The following PDE4B variants were observed in gnomAD, a reference collection of about 807,000 sequenced individuals.
PDE4B encodes phosphodiesterase 4B.
Under a neutral mutation model 82.2 loss-of-function variants are expected in PDE4B, and 20 were observed. The observed-to-expected ratio is 0.24, with a 90% CI of 0.17 to 0.35. The LOEUF (loss-of-function observed/expected upper bound fraction) is 0.35. PDE4B is among the 10% of genes least tolerant of loss of function. PDE4B has a pLI of 1.00. For missense variants in PDE4B, 655 were observed against 907.2 expected, an observed-to-expected ratio of 0.72 and a Z score of 3.57; for synonymous variants, 320 against 318.9, an observed-to-expected ratio of 1.00 and a Z score of -0.04.
intron 1 of PDE4B, among the ~76,000 whole-genome samples, chr1:65,899,843 G>A (rs1239891982): frequency 2.0e-5 from 3 of 151,734 alleles, no homozygotes; most frequent in African/African-American, 4.8e-5. Flanking sequence ...GGATGCAAAG[G>A]CATAAGAATG....
chr1:65,838,543 A>ATATATGTATATATATG (rs1048433673), intron 1 of PDE4B, among the ~76,000 whole-genome samples: 41 of 139,888 alleles, frequency 2.9e-4, no homozygotes, highest in Non-Finnish European at 4.2e-4. Context: ...ATGTATGTGT[A>ATATATGTATATATATG]TATATGTATA....
chr1:66,265,000 G>T (rs1297403747), intron 6 of PDE4B, among the ~76,000 whole-genome samples: 1 of 152,236 alleles, frequency 6.6e-6, no homozygotes, highest in Non-Finnish European at 1.5e-5. Flanking sequence ...CACTGGACTA[G>T]AGTCTCACTC....
chr1:65,798,744 A>G (rs1030405467), intron 1 of PDE4B, among the ~76,000 whole-genome samples: 1 of 152,238 alleles, frequency 6.6e-6, no homozygotes, highest in Non-Finnish European at 1.5e-5. Context: ...TGTAATATAT[A>G]TCTGTTAGGT....
chr1:66,358,238 C>A (rs1662423790), intron 9 of PDE4B, among the ~76,000 whole-genome samples: 1 of 152,220 alleles, frequency 6.6e-6, no homozygotes, highest in South Asian at 2.1e-4. Flanking sequence ...ACCTAAATAC[C>A]CTGTCAATCC....
chr1:65,950,539 C>T (rs374787615), intron 3 of PDE4B, among the ~76,000 whole-genome samples: 6 of 152,118 alleles, frequency 3.9e-5, no homozygotes, highest in East Asian at 1.9e-4. Flanking sequence ...ATGGGGAAAA[C>T]GCCAAGCAAG....
intron 1 of PDE4B, among the ~76,000 whole-genome samples, chr1:65,844,584 A>G (rs1646247834): frequency 6.6e-6 from 1 of 152,220 alleles, no homozygotes; most frequent in African/African-American, 2.4e-5. Context: ...ACAAAACAAA[A>G]TAAAAACAAA....
chr1:66,078,681 T>C (rs1656558482), intron 3 of PDE4B, among the ~76,000 whole-genome samples: 1 of 152,190 alleles, frequency 6.6e-6, no homozygotes, highest in South Asian at 2.1e-4. Flanking sequence ...CTTTTAAAAA[T>C]CATGACAGCT....
intron 3 of PDE4B, among the ~76,000 whole-genome samples, chr1:66,052,290 C>CTGTACACAAAGTACAATTTTA (rs1655071601): frequency 6.6e-6 from 1 of 152,122 alleles, no homozygotes; most frequent in Non-Finnish European, 1.5e-5. Flanking sequence ...CCTGTACTAT[C>CTGTACACAAAGTACAATTTTA]CTTTAAAAAT....
rs1035883640 is a variant in PDE4B, at chr1:66,192,353, A to T, written c.282-55107A>T. 3.3e-5 allele frequency among the ~76,000 whole-genome samples: 5 copies of T among 152,118 alleles called. No homozygotes were observed. The East Asian group carries it at 9.6e-4, about 29-fold the overall frequency. On this transcript the variant is annotated intron_variant, in intron 3 of 16. Transcript: ENST00000341517. ...AATCATAATCCCCTGTTGTCTTTTCACTTAGAATTTAGACTCAACCGAACT... is the reference window on the plus strand; with the variant it reads ...AATCATAATCCCCTGTTGTCTTTTCTCTTAGAATTTAGACTCAACCGAACT...
At chr1:66,360,542 A>G (rs1419142450) in intron 9 of PDE4B, 1 of 152,190 alleles carries the variant, frequency 6.6e-6, no homozygotes, top group East Asian at 1.9e-4. Context: ...AGCGGAGGTA[A>G]ATGTAGGTAC....
intron 3 of PDE4B, among the ~76,000 whole-genome samples, chr1:66,039,197 A>G (rs1385480374): frequency 6.6e-6 from 1 of 152,094 alleles, no homozygotes; most frequent in Non-Finnish European, 1.5e-5. Flanking sequence ...TAACAATTAG[A>G]TATTGTTATT....
At chr1:66,175,128 C>A (rs917009603) in intron 3 of PDE4B, among the ~76,000 whole-genome samples, 1 of 152,138 alleles carries the variant, frequency 6.6e-6, no homozygotes, top group Non-Finnish European at 1.5e-5. Context: ...TGTGTGGGGG[C>A]ACAGAGCCAA....
intron 1 of PDE4B, among the ~76,000 whole-genome samples, chr1:65,850,427 G>T (rs1646318588): frequency 6.6e-6 from 1 of 152,106 alleles, no homozygotes; most frequent in Non-Finnish European, 1.5e-5. Context: ...AATTTGTAGT[G>T]CATAGTGTAG....
chr1:66,281,409 T>G (rs1656291399), intron 7 of PDE4B, among the ~76,000 whole-genome samples: 1 of 152,222 alleles, frequency 6.6e-6, no homozygotes, highest in Non-Finnish European at 1.5e-5. Context: ...TCAGTGAGCC[T>G]TTTAACCCAC....
intron 3 of PDE4B, among the ~76,000 whole-genome samples, chr1:66,108,359 C>T (rs1254157784): frequency 6.6e-6 from 1 of 151,812 alleles, no homozygotes; most frequent in African/African-American, 2.4e-5. Context: ...TAGAAGAAAA[C>T]ATAGGGGAAA....
At chr1:66,109,733 T>A (rs1219798296) in intron 3 of PDE4B, among the ~76,000 whole-genome samples, 1 of 151,944 alleles carries the variant, frequency 6.6e-6, no homozygotes, top group East Asian at 1.9e-4. Context: ...TACATGTATA[T>A]GTTTGTTACA....
chr1:65,946,993 A>G (rs1331520672), intron 3 of PDE4B, among the ~76,000 whole-genome samples: 2 of 152,018 alleles, frequency 1.3e-5, no homozygotes, highest in South Asian at 2.1e-4. Context: ...ATGTTTACCT[A>G]TGGGGCAGCC....
At chr1:65,933,553 G>A (rs969856810) in intron 3 of PDE4B, among the ~76,000 whole-genome samples, 1 of 152,104 alleles carries the variant, frequency 6.6e-6, no homozygotes, top group African/African-American at 2.4e-5. Context: ...AATTAGCTGG[G>A]CATGGTGGCA....
chr1:66,335,009 T>C (rs757398973), intron 8 of PDE4B, among the ~76,000 whole-genome samples: 2 of 152,228 alleles, frequency 1.3e-5, no homozygotes, highest in African/African-American at 2.4e-5. Flanking sequence ...AAAACTATAT[T>C]CCATATTCAG....
Sources: gnomAD v4.1 joint callset for allele counts (sites outside exome capture counted in the v4.1 genomes callset) on GRCh38, gnomAD v4.1.1 for gene constraint, MANE v1.5 for transcripts, NCBI Gene and HGNC (gene_info 2026-07-23, HGNC 2026-07-21) for gene names.